Variants in ADAMTS3 observed in about 807,000 individuals in gnomAD.
The protein encoded by ADAMTS3 is ADAM metallopeptidase with thrombospondin type 1 motif 3.
In ADAMTS3, 73 loss-of-function variants were observed where a neutral mutation model predicts 129.0. The ratio of observed to expected loss-of-function variants is 0.57; its 90% CI spans 0.47 to 0.69. The LOEUF is 0.69. Ranked by LOEUF, ADAMTS3 falls within the 30% of genes least tolerant of loss-of-function variation. The pLI is 0.00. For synonymous variants in ADAMTS3, 477 were observed against 510.8 expected, an observed-to-expected ratio of 0.93 and a Z score of 0.89; for missense variants, 1,457 against 1,514.5, an observed-to-expected ratio of 0.96 and a Z score of 0.63.
intron 3 of ADAMTS3, among the ~76,000 whole-genome samples, chr4:72,482,470 G>A (rs1252841147): frequency 6.6e-6 from 1 of 152,008 alleles, no homozygotes; most frequent in Non-Finnish European, 1.5e-5. Flanking sequence ...GACAAAAATG[G>A]AAATGAAGAA....
At chr4:72,541,830 G>T (rs542362610) in intron 3 of ADAMTS3, among the ~76,000 whole-genome samples, 1 of 152,188 alleles carries the variant, frequency 6.6e-6, no homozygotes, top group African/African-American at 2.4e-5. Context: ...GAGTCCATTA[G>T]TTTTCTTTTT....
chr4:72,432,679 G>A lies in ADAMTS3; in HGVS notation c.505-17708C>T, dbSNP rs79275382. Among the ~76,000 whole-genome samples the A allele has an allele frequency of 4.9e-3, 743 of 152,032 alleles. 1 individual carries two copies. The highest frequency in any genetic ancestry group is 0.017 in the African/African-American group (706 of 41,526). On this transcript the variant is annotated intron_variant, in intron 3 of 21. Transcript: ENST00000286657. Reference sequence around the variant, plus strand: ...ATGAAAATGACAGAACTTTGGAACCGAAAATGATCTTGGGAATCACCTTGA... The same window carrying A: ...ATGAAAATGACAGAACTTTGGAACCAAAAATGATCTTGGGAATCACCTTGA...
chr4:72,503,479 TG>T (rs1720079267), intron 3 of ADAMTS3, among the ~76,000 whole-genome samples: 1 of 152,228 alleles, frequency 6.6e-6, no homozygotes, highest in Non-Finnish European at 1.5e-5. Flanking sequence ...ATAGTTGGTA[TG>T]ACTTCAGTGT....
At position 72,505,478 on chromosome 4, in the gene ADAMTS3, T is replaced by C. The variant is rs576555387; in HGVS notation, c.504+43000A>G. On this transcript the variant is annotated intron_variant, in intron 3 of 21. Coordinates refer to ENST00000286657, the MANE Select transcript of ADAMTS3 (RefSeq NM_014243.3). ...GGGTATATGCTTGATCCTTGTTTAC[T>C]GGTAAAAGCTGTCTGTTGCCCCAGG... Among the ~76,000 whole-genome samples, 11 of 152,320 alleles carry C rather than the reference T, an allele frequency of 7.2e-5. No homozygotes were observed. In the East Asian group the frequency reaches 1.9e-3, roughly 27 times the overall value.
intron 3 of ADAMTS3, among the ~76,000 whole-genome samples, chr4:72,440,495 T>C (rs1718083540): frequency 6.6e-6 from 1 of 151,854 alleles, no homozygotes; most frequent in Non-Finnish European, 1.5e-5. Flanking sequence ...CTGAACTTTT[T>C]AGCAATGCAT....
In ADAMTS3 at chr4:72,309,573, C is replaced by G. The variant is rs146528991; in HGVS notation, c.2056-53G>C. On this transcript the variant is annotated intron_variant, in intron 14 of 21. Coordinates refer to ENST00000286657, the MANE Select transcript of ADAMTS3 (RefSeq NM_014243.3). ...TAATTTTAGTGTGCCCAGTAGTGGTCAACATCCCAGAGAATGATGAACCCT... is the reference window on the plus strand; with the variant it reads ...TAATTTTAGTGTGCCCAGTAGTGGTGAACATCCCAGAGAATGATGAACCCT... 4.0e-5 allele frequency: 64 copies of G among 1,589,670 alleles called. No homozygotes were observed. In the East Asian group the frequency reaches 1.4e-3, roughly 35 times the overall value.
In ADAMTS3 at chr4:72,342,332, T is replaced by A. The variant is rs986407577; in HGVS notation, c.662-2639A>T. 8.0e-5 allele frequency among the ~76,000 whole-genome samples: 12 copies of A among 150,778 alleles called. No homozygotes were observed. In the East Asian group the frequency reaches 2.4e-3, roughly 30 times the overall value. ...TGATGAACCGCTATTGTTCCAGAGGTCACAAGATTGGAAATTTCCCCAATT... is the reference window on the plus strand; with the variant it reads ...TGATGAACCGCTATTGTTCCAGAGGACACAAGATTGGAAATTTCCCCAATT... On this transcript the variant is annotated intron_variant, in intron 4 of 21. Coordinates refer to ENST00000286657, the MANE Select transcript of ADAMTS3 (RefSeq NM_014243.3).
chr4:72,357,238 C>T (rs540236074), intron 4 of ADAMTS3, among the ~76,000 whole-genome samples: 5 of 151,752 alleles, frequency 3.3e-5, no homozygotes, highest in Non-Finnish European at 1.5e-5. Context: ...TATGTGAATA[C>T]CCTGTGATAA....
intron 3 of ADAMTS3, among the ~76,000 whole-genome samples, chr4:72,467,357 A>G (rs1370055917): frequency 4.6e-5 from 7 of 152,048 alleles, no homozygotes; most frequent in African/African-American, 1.7e-4. Flanking sequence ...CTATTGCAGT[A>G]TCTTCCAACT....
intron 21 of ADAMTS3, 43 bp downstream of exon 21, chr4:72,288,708 T>A: frequency 7.7e-7 from 1 of 1,297,034 alleles, no homozygotes; most frequent in Non-Finnish European, 1.1e-6. Flanking sequence ...TTTTTGAGGT[T>A]TAAAAACATC....
At chr4:72,393,393 A>G (rs1182690552) in intron 4 of ADAMTS3, among the ~76,000 whole-genome samples, 1 of 152,144 alleles carries the variant, frequency 6.6e-6, no homozygotes, top group Non-Finnish European at 1.5e-5. Flanking sequence ...AGACTAACAC[A>G]TTTCCTCTTT....
At chr4:72,445,354 C>T (rs1239125104) in intron 3 of ADAMTS3, among the ~76,000 whole-genome samples, 2 of 151,714 alleles carry the variant, frequency 1.3e-5, no homozygotes, top group Admixed American at 6.6e-5. Flanking sequence ...AGAGAAAACT[C>T]TTCTCCTGAG....
intron 4 of ADAMTS3, among the ~76,000 whole-genome samples, chr4:72,378,488 TTC>T (rs780692810): frequency 6.6e-5 from 10 of 152,144 alleles, no homozygotes; most frequent in Non-Finnish European, 1.3e-4. Context: ...AAACTTCCGT[TTC>T]TGAGTACAGC....
At chr4:72,334,318 A>C (rs528230027) in intron 5 of ADAMTS3, among the ~76,000 whole-genome samples, 11 of 152,160 alleles carry the variant, frequency 7.2e-5, no homozygotes, top group South Asian at 6.2e-4. Flanking sequence ...TTTTATGTTA[A>C]CCACCATATA....
At chr4:72,549,007 T>A in intron 2 of ADAMTS3, 123 bp from the exon 3 acceptor site, 1 of 799,908 alleles carries the variant, frequency 1.3e-6, no homozygotes, top group Non-Finnish European at 1.8e-6. Flanking sequence ...TAGACATTCC[T>A]GAATCAGCTC....
chr4:72,524,884 G>T (rs575265391), intron 3 of ADAMTS3, among the ~76,000 whole-genome samples: 1 of 152,114 alleles, frequency 6.6e-6, no homozygotes, highest in Non-Finnish European at 1.5e-5. Flanking sequence ...AATAGGAAGC[G>T]TCCCTAAGAC....
At chr4:72,474,877 A>G (rs1358758567) in intron 3 of ADAMTS3, among the ~76,000 whole-genome samples, 1 of 151,548 alleles carries the variant, frequency 6.6e-6, no homozygotes, top group African/African-American at 2.4e-5. Context: ...ATACAAAAAA[A>G]TTAGCCGGGC....
At chr4:72,453,680 A>AT (rs1243415821) in intron 3 of ADAMTS3, among the ~76,000 whole-genome samples, 1 of 151,682 alleles carries the variant, frequency 6.6e-6, no homozygotes, top group African/African-American at 2.4e-5. Flanking sequence ...TGGTCCCAGT[A>AT]TATAGAGGCC....
Position 72,548,499 on chromosome 4 carries a change from G to C in ADAMTS3, c.483C>G (p.Ala161=), listed in dbSNP as rs371019847. Residue 161 remains alanine, a synonymous_variant, in exon 3 of 22, where the codon GCC becomes GCG. Coordinates refer to ENST00000286657, the MANE Select transcript of ADAMTS3 (RefSeq NM_014243.3). ...TTACCAGACCATCACAGTTGCTGATGGCAACAGAGGTTCCTGGAATGTCCA... is the reference window on the plus strand; with the variant it reads ...TTACCAGACCATCACAGTTGCTGATCGCAACAGAGGTTCCTGGAATGTCCA... The part of the protein sequence containing the change: ...DIVDIPGTSV[A]ISNCDGLAGM... The C allele has an allele frequency of 6.2e-7, 1 of 1,613,644 alleles. No homozygotes were observed. Among genetic ancestry groups the C allele is most frequent in the Non-Finnish European group, 8.5e-7 (1 of 1,179,780 alleles).
Sources: allele counts gnomAD v4.1 joint callset (sites outside exome capture counted in the v4.1 genomes callset), GRCh38; gene constraint gnomAD v4.1.1; transcripts MANE v1.5; gene names NCBI Gene and HGNC (gene_info 2026-07-23, HGNC 2026-07-21).